The following FCSK variants were observed in gnomAD, a reference collection of about 807,000 sequenced individuals.
The protein encoded by FCSK is L-fucose kinase.
FCSK carries 123 observed loss-of-function variants against 122.5 expected under a neutral mutation model. The ratio of observed to expected loss-of-function variants is 1.00; its 90% CI spans 0.87 to 1.17. FCSK has a LOEUF of 1.17. FCSK is among the 50% of genes most tolerant of loss of function. The pLI, the probability that FCSK is intolerant of heterozygous loss-of-function variation, is 0.00. For synonymous variants in FCSK, 620 were observed against 625.5 expected (o/e 0.99, Z 0.13); for missense variants, 1,366 against 1,450.4 (o/e 0.94, Z 0.95).
At position 70,473,092 on chromosome 16, in the gene FCSK, C is replaced by T. The variant is rs1275942680; in HGVS notation, c.1516C>T (p.Leu506=). Residue 506 remains leucine, a synonymous_variant, in exon 15 of 24, where the codon CTG becomes TTG. Coordinates refer to ENST00000288078, the MANE Select transcript of FCSK (RefSeq NM_145059.3). This position sits in a 1 kb window ranked among gnomAD's most constrained non-coding sequence, Gnocchi z 4.9. ...GAGGGAGCTGGGACCCCAGGACCTG[C>T]TGTGGATGCTGGACCACCAGGAGGA... ...PSRELGPQDL[L]WMLDHQEDGG... 3 of 1,588,386 alleles carry T rather than the reference C, an allele frequency of 1.9e-6. No individual in the cohort carries two copies. Among genetic ancestry groups the T allele is most frequent in the Non-Finnish European group, 2.6e-6 (3 of 1,168,310 alleles).
chr16:70,478,941 G>A (rs1050023017), intron 22 of FCSK: 3 of 686,130 alleles, frequency 4.4e-6, no homozygotes, highest in African/African-American at 1.8e-5. Context: ...AGGGTCCCCA[G>A]TGTGTGGCTT....
At chr16:70,467,158 C>G (rs2048444216) in intron 6 of FCSK, 1 of 635,456 alleles carries the variant, frequency 1.6e-6, no homozygotes, top group Non-Finnish European at 2.8e-6. Context: ...TGGACAGAAG[C>G]AGCCCTGCCC....
intron 14 of FCSK, 23 bp downstream of exon 14, chr16:70,472,628 C>G (rs368723137): frequency 6.3e-7 from 1 of 1,589,434 alleles, no homozygotes; most frequent in Non-Finnish European, 8.6e-7. Context: ...CCCCTAGGGC[C>G]TCTGTGGGCC....
rs775347608 is a variant in FCSK, at chr16:70,474,354, A to C, written c.1988+15A>C. The C allele has an allele frequency of 4.3e-5, 70 of 1,611,152 alleles. No individual in the cohort carries two copies. Among genetic ancestry groups the C allele is most frequent in the Non-Finnish European group, 5.8e-5 (68 of 1,179,004 alleles). On this transcript the variant is annotated intron_variant, in intron 16 of 23. Coordinates refer to ENST00000288078, the MANE Select transcript of FCSK (RefSeq NM_145059.3). ...TGGCTAAGCAGGTGTGTACTAATGG[A>C]GGTCAGATCCCTTGGATAAGCCCCT...
At chr16:70,479,501 G>C (rs1331166933) in intron 23 of FCSK, 78 bp from the exon 24 acceptor site, 2 of 1,492,376 alleles carry the variant, frequency 1.3e-6, no homozygotes, top group Non-Finnish European at 9.2e-7. Flanking sequence ...AAGTCCCCCT[G>C]GTCCTGCAGG....
At position 70,454,641 on chromosome 16, in the gene FCSK, C is replaced by T. The variant is rs1022385030; in HGVS notation, c.-23+11C>T. ...GCCGGGCGACGGCAGGTACGTCAGT[C>T]CGCGAGGGTCGCCGCAGCGCCCCTT... On this transcript the variant is annotated intron_variant, in intron 1 of 23. Transcript: ENST00000288078. The T allele has an allele frequency of 8.6e-5, 13 of 151,936 alleles. No individual in the cohort carries two copies. The highest frequency in any genetic ancestry group is 3.2e-4 in the African/African-American group (13 of 41,216). 9.4% of individuals were successfully genotyped at this position (151,936 alleles called of 1,614,324 possible). A position where few individuals can be genotyped will look rare whatever the true frequency, so the allele number is the denominator to read the frequency against.
chr16:70,472,567 C>T lies in FCSK; in HGVS notation c.1368C>T (p.Asn456=), dbSNP rs778055943. The T allele has an allele frequency of 2.1e-5, 34 of 1,613,124 alleles. 1 individual carries two copies. Among genetic ancestry groups the T allele is most frequent in the Admixed American group, 1.3e-4 (8 of 59,896 alleles). The change falls in exon 14 of 24, where the codon AAC becomes AAT. Residue 456 remains asparagine (N), a synonymous_variant. Coordinates refer to ENST00000288078, the MANE Select transcript of FCSK (RefSeq NM_145059.3). ...GACAGGGGGCAGGCACATATCTCAA[C>T]GTGCCCTGGAGTGAATTCTTCAAGA... ...WERQGAGTYL[N]VPWSEFFKRT...
At chr16:70,469,669 T>A (rs2048547881) in intron 10 of FCSK, among the ~76,000 whole-genome samples, 1 of 152,138 alleles carries the variant, frequency 6.6e-6, no homozygotes, top group Non-Finnish European at 1.5e-5. Flanking sequence ...TTCTCCTGCC[T>A]CAGCCTCCTG....
chr16:70,470,818 G>A (rs566309616), intron 11 of FCSK, among the ~76,000 whole-genome samples, 153 bp from the exon 12 acceptor site: 1 of 152,314 alleles, frequency 6.6e-6, no homozygotes, highest in Non-Finnish European at 1.5e-5. Context: ...TCTCAGGCTG[G>A]GGCCAAGGCA....
intron 10 of FCSK, 122 bp from the exon 11 acceptor site, chr16:70,470,192 C>A: frequency 1.5e-6 from 1 of 689,304 alleles, no homozygotes; most frequent in Non-Finnish European, 2.6e-6. Flanking sequence ...AGGTTCCTGA[C>A]TCAGCTTCCC....
In FCSK at chr16:70,479,289, C is replaced by A. The variant is rs2048923037; in HGVS notation, c.3039C>A (p.Ala1013=). 1 of 1,613,876 alleles carries A rather than the reference C, an allele frequency of 6.2e-7. No individual in the cohort carries two copies. Among genetic ancestry groups the A allele is most frequent in the African/African-American group, 1.3e-5 (1 of 74,920 alleles). ...TGCGGCGTATGATGGATGTCCTGGC[C>A]CCCCACGTGCATGGCCAGAGCCTGG... ...LTVRRMMDVL[A]PHVHGQSLAG... The change falls in exon 23 of 24, where the codon GCC becomes GCA. Residue 1013 remains alanine (A), a synonymous_variant. Coordinates refer to ENST00000288078, the MANE Select transcript of FCSK (RefSeq NM_145059.3).
rs773161961 is a variant in FCSK at position 70,475,785 on chromosome 16, A to AT, written c.2641+18_2641+19insT. ...CACCACTGGTATGTGACTGCCCTGGAGTTGGAGGAGGTCACTGACACTTTC... is the reference window on the plus strand; with the variant it reads ...CACCACTGGTATGTGACTGCCCTGGATGTTGGAGGAGGTCACTGACACTTTC... On this transcript the variant is annotated intron_variant, in intron 20 of 23. Transcript: ENST00000288078. The AT allele has an allele frequency of 2.2e-4, 345 of 1,543,486 alleles. No homozygotes were observed. The highest frequency in any genetic ancestry group is 2.0e-4 in the Non-Finnish European group (230 of 1,144,676).
Position 70,460,268 on chromosome 16 carries a change from C to T in FCSK, c.-22-2901C>T, listed in dbSNP as rs375101310. Reference sequence around the variant, plus strand: ...CTGGGACTACAGGCACCCGCCACCACGCCCAGCTAATTTTTTGTATTTTTA... The same window carrying T: ...CTGGGACTACAGGCACCCGCCACCATGCCCAGCTAATTTTTTGTATTTTTA... On this transcript the variant is annotated intron_variant, in intron 1 of 23. Coordinates refer to ENST00000288078, the MANE Select transcript of FCSK (RefSeq NM_145059.3). Among the ~76,000 whole-genome samples the T allele has an allele frequency of 8.1e-4, 123 of 151,846 alleles. 1 individual carries two copies. The highest frequency in any genetic ancestry group is 2.6e-3 in the African/African-American group (107 of 41,432).
chr16:70,463,238 C>T lies in FCSK; in HGVS notation c.48C>T (p.Cys16=). 6.2e-7 allele frequency: 1 copy of T among 1,614,002 alleles called. No homozygotes were observed. Among genetic ancestry groups the T allele is most frequent in the Non-Finnish European group, 8.5e-7 (1 of 1,179,946 alleles). Residue 16 remains cysteine (C), a synonymous_variant, in exon 2 of 24, where the codon TGC becomes TGT. Transcript: ENST00000288078. ...GVDWTVIILT[C]QYKDSVQVFQ... ...ATTGGACAGTCATCATCCTGACCTG[C>T]CAGTACAAGGACAGTGTCCAGGTCT... is the stretch of plus-strand genomic sequence containing the variant.
intron 10 of FCSK, among the ~76,000 whole-genome samples, 169 bp from the exon 11 acceptor site, chr16:70,470,145 C>T (rs182283973): frequency 3.3e-5 from 5 of 152,198 alleles, no homozygotes; most frequent in Admixed American, 3.3e-4. Context: ...GCCCGGCCAA[C>T]CTGTCTACTT....
Position 70,475,746 on chromosome 16 carries a change from C to A in FCSK, c.2620C>A (p.Leu874Met). The A allele has an allele frequency of 1.3e-6, 2 of 1,592,632 alleles. No homozygotes were observed. Among genetic ancestry groups the A allele is most frequent in the Admixed American group, 1.7e-5 (1 of 58,650 alleles). The change falls in exon 20 of 24, where the codon CTG becomes ATG. Residue 874 changes from leucine (L) to methionine (M), a missense_variant. By Grantham distance (15) the Leu-to-Met change is conservative. Coordinates refer to ENST00000288078, the MANE Select transcript of FCSK (RefSeq NM_145059.3). ...AGCCCTGATCCACGCAGTGCTGCAC[C>A]TGGAGCAGGTGCTCACCACTGGTAT... is the stretch of plus-strand genomic sequence containing the variant. ...TEALIHAVLH[L>M]EQVLTTGGGW...
chr16:70,469,123 A>T (rs1326846977), intron 9 of FCSK, 29 bp from the exon 10 acceptor site: 1 of 1,613,452 alleles, frequency 6.2e-7, no homozygotes, highest in South Asian at 1.1e-5. Flanking sequence ...CTGCCATGCC[A>T]ATAGCTGTGC....
chr16:70,466,746 G>T lies in FCSK; in HGVS notation c.412-136G>T, dbSNP rs1019250587. 4 of 688,148 alleles carry T rather than the reference G, an allele frequency of 5.8e-6. No homozygotes were observed. The Admixed American group carries it at 8.3e-5, about 14-fold the overall frequency. The allele number at this position is 688,148 out of a possible 1,614,324, so 42.6% of individuals were successfully genotyped here. ...TCACATGGGGAAAGTTGTAAACCCA[G>T]GTCAGAGAGTGGGTGGGGGCAGACC... On this transcript the variant is annotated intron_variant, in intron 5 of 23. Transcript: ENST00000288078.
At chr16:70,461,457 G>A (rs538785146) in intron 1 of FCSK, among the ~76,000 whole-genome samples, 1 of 152,222 alleles carries the variant, frequency 6.6e-6, no homozygotes, top group East Asian at 1.9e-4. Flanking sequence ...CTGGCAGGTT[G>A]GGGGAGACAG....
Sources: gnomAD v4.1 joint callset for allele counts (sites outside exome capture counted in the v4.1 genomes callset) on GRCh38, gnomAD v4.1.1 for gene constraint, Gnocchi (gnomAD v3.1) non-coding constraint, MANE v1.5 for transcripts, NCBI Gene and HGNC (gene_info 2026-07-23, HGNC 2026-07-21) for gene names.